The following USP24 variants were observed in gnomAD, a reference collection of about 807,000 sequenced individuals.
USP24 encodes ubiquitin carboxyl-terminal hydrolase 24.
In USP24, 97 loss-of-function variants were observed where a neutral mutation model predicts 361.6. The observed-to-expected ratio is 0.27, with a 90% CI of 0.23 to 0.32. The LOEUF (loss-of-function observed/expected upper bound fraction) is 0.32, where lower values mean the gene tolerates loss of function less well. Ranked by LOEUF, USP24 falls within the 10% of genes least tolerant of loss-of-function variation. The pLI is 1.00. For synonymous variants in USP24, 1,098 were observed against 1,124.6 expected, an observed-to-expected ratio of 0.98 and a Z score of 0.47; for missense variants, 2,353 against 3,165.6, an observed-to-expected ratio of 0.74 and a Z score of 6.16.
Position 55,125,466 on chromosome 1 carries a change from G to A in USP24, c.3814C>T (p.Pro1272Ser). ...GTCTGCCGGCTGACATTTCGGAATG[G>A]GCGGGAAGAAAGTGCTTCTATACCA... is the stretch of plus-strand genomic sequence containing the variant. Reference protein sequence around the residue: ...KDGIEALSSRPFRNVSRQTSR... With the variant: ...KDGIEALSSRSFRNVSRQTSR... The change falls in exon 34 of 68, where the codon CCA becomes TCA. Residue 1272 changes from proline to serine, a missense_variant. Physicochemically the swap from Pro to Ser is moderately conservative, Grantham distance 74. Around this residue, in one of 8 missense-constraint regions of USP24, gnomAD observed 949 missense variants for 1,280.5 expected, o/e 0.74. Coordinates refer to ENST00000294383, the MANE Select transcript of USP24 (RefSeq NM_015306.3). 1 of 1,613,990 alleles carries A rather than the reference G, an allele frequency of 6.2e-7. No homozygotes were observed. Among genetic ancestry groups the A allele is most frequent in the East Asian group, 2.2e-5 (1 of 44,882 alleles).
At position 55,209,272 on chromosome 1, in the gene USP24, T is replaced by TC. The variant is rs938874846; in HGVS notation, c.324+5517dup. Among the ~76,000 whole-genome samples the TC allele has an allele frequency of 2.3e-3, 347 of 152,288 alleles. 1 individual carries two copies. Among genetic ancestry groups the TC allele is most frequent in the African/African-American group, 7.7e-3 (322 of 41,562 alleles). On this transcript the variant is annotated intron_variant, in intron 1 of 67. Coordinates refer to ENST00000294383, the MANE Select transcript of USP24 (RefSeq NM_015306.3). The stretch of plus-strand genomic sequence containing the variant: ...ATCCATCCAACTTCTTCTTTTTTTT[T>TC]CTTTTTAAAAGGAAAACCTTTCTAA...
chr1:55,172,403 T>G lies in USP24; in HGVS notation c.676A>C (p.Thr226Pro), dbSNP rs759208257. ...ATTGTAAGCACACCCAGGAGACCAG[T>G]GGGAATTGGATCTTGTTTTATTCTC... ...AERIKQDPIPTGLLGVLTMAF... is the reference protein window; with the variant it reads ...AERIKQDPIPPGLLGVLTMAF... Residue 226 changes from threonine (T) to proline (P), a missense_variant, in exon 4 of 68, where the codon ACT becomes CCT. This residue lies in a region of USP24 where 386 missense variants were observed against 560.5 expected (regional missense o/e 0.69). Transcript: ENST00000294383. The G allele has an allele frequency of 6.2e-7, 1 of 1,612,948 alleles. No individual in the cohort carries two copies. Among genetic ancestry groups the G allele is most frequent in the Non-Finnish European group, 8.5e-7 (1 of 1,179,390 alleles).
At chr1:55,214,428 A>T (rs969893470) in intron 1 of USP24, among the ~76,000 whole-genome samples, 1 of 148,204 alleles carries the variant, frequency 6.7e-6, no homozygotes, top group African/African-American at 2.5e-5. Flanking sequence ...CATCCTTCCC[A>T]CTATATGCTC....
chr1:55,206,030 C>G (rs574287563), intron 1 of USP24, among the ~76,000 whole-genome samples: 1 of 152,264 alleles, frequency 6.6e-6, no homozygotes, highest in South Asian at 2.1e-4. Context: ...ACTTGCCAAA[C>G]AACAGCAAGA....
chr1:55,192,497 T>C (rs1644315635), intron 1 of USP24, among the ~76,000 whole-genome samples: 1 of 152,214 alleles, frequency 6.6e-6, no homozygotes, highest in South Asian at 2.1e-4. Flanking sequence ...GACAGACTGA[T>C]CTCTTCACGA....
At chr1:55,119,977 T>C (rs1646231883) in intron 38 of USP24, among the ~76,000 whole-genome samples, 1 of 152,104 alleles carries the variant, frequency 6.6e-6, no homozygotes, top group Non-Finnish European at 1.5e-5. Context: ...TCCATGACAC[T>C]TTATAAGCCC....
At chr1:55,200,031 C>T (rs1644529593) in intron 1 of USP24, among the ~76,000 whole-genome samples, 1 of 152,176 alleles carries the variant, frequency 6.6e-6, no homozygotes, top group African/African-American at 2.4e-5. Context: ...TTATTCACCA[C>T]CACGAGAACA....
chr1:55,076,379 G>A (rs946549490), intron 62 of USP24, among the ~76,000 whole-genome samples: 1 of 152,186 alleles, frequency 6.6e-6, no homozygotes, highest in Non-Finnish European at 1.5e-5. Context: ...TAAAGAACTT[G>A]AAAAATAAGC....
intron 1 of USP24, among the ~76,000 whole-genome samples, chr1:55,192,775 G>T (rs904380091): frequency 1.3e-5 from 2 of 152,196 alleles, no homozygotes; most frequent in Admixed American, 6.6e-5. Context: ...AAAAAGAGAA[G>T]ATGATAAACA....
At chr1:55,142,695 A>G (rs1646923658) in intron 23 of USP24, 47 bp downstream of exon 23, 1 of 1,262,128 alleles carries the variant, frequency 7.9e-7, no homozygotes, top group African/African-American at 1.5e-5. Flanking sequence ...TATGAAAGAA[A>G]AAAAGCATTT....
chr1:55,188,045 T>C (rs1644181163), intron 1 of USP24, among the ~76,000 whole-genome samples: 1 of 152,192 alleles, frequency 6.6e-6, no homozygotes, highest in Non-Finnish European at 1.5e-5. Context: ...ACTGGCATAA[T>C]GAATCAATGG....
At chr1:55,150,224 T>C (rs1647155137) in intron 16 of USP24, among the ~76,000 whole-genome samples, 1 of 152,220 alleles carries the variant, frequency 6.6e-6, no homozygotes, top group Non-Finnish European at 1.5e-5. Flanking sequence ...CATTACTATA[T>C]ACAATGCAAA....
At chr1:55,090,617 A>G (rs879857686) in intron 54 of USP24, among the ~76,000 whole-genome samples, 1 of 152,174 alleles carries the variant, frequency 6.6e-6, no homozygotes, top group Non-Finnish European at 1.5e-5. Context: ...AAGACTGGGA[A>G]CTTAAGTAGT....
intron 31 of USP24, among the ~76,000 whole-genome samples, chr1:55,132,024 T>C (rs2100647386): frequency 6.6e-6 from 1 of 152,344 alleles, no homozygotes; most frequent in Admixed American, 6.5e-5. Flanking sequence ...CATAAGATCT[T>C]GGAGTGAGTA....
Position 55,144,295 on chromosome 1 carries a change from TA to T in USP24, c.2363-93del, listed in dbSNP as rs1646971331. 9.1e-6 allele frequency: 7 copies of T among 772,182 alleles called. No individual in the cohort carries two copies. In the South Asian group the frequency reaches 2.0e-4, roughly 22 times the overall value. The allele number at this position is 772,182 out of a possible 1,614,324, so 47.8% of individuals were successfully genotyped here. Reference sequence around the variant, plus strand: ...CAAAGTGGATCAAGAACTAAAACCATAAGACTCTTGGCATTGGCTTCTTAGA... The same window carrying T: ...CAAAGTGGATCAAGAACTAAAACCATAGACTCTTGGCATTGGCTTCTTAGA... On this transcript the variant is annotated intron_variant, in intron 20 of 67. Coordinates refer to ENST00000294383, the MANE Select transcript of USP24 (RefSeq NM_015306.3).
In USP24 at chr1:55,073,857, A is replaced by C. The variant is rs956751323; in HGVS notation, c.7497T>G (p.Cys2499Trp). The C allele has an allele frequency of 6.3e-7, 1 of 1,580,910 alleles. No homozygotes were observed. The highest frequency in any genetic ancestry group is 8.6e-7 in the Non-Finnish European group (1 of 1,162,718). ...NHVDSSRCYQ[C>W]VKFLVTLAQK... The stretch of plus-strand genomic sequence containing the variant: ...GAGCAAGAGTGACAAGAAATTTGAC[A>C]CACTGGTAGCAGCGACTACTGTCCA... Residue 2499 changes from cysteine to tryptophan, a missense_variant, in exon 64 of 68, where the codon TGT becomes TGG. Coordinates refer to ENST00000294383, the MANE Select transcript of USP24 (RefSeq NM_015306.3).
chr1:55,082,329 A>G (rs1258420458), intron 58 of USP24, among the ~76,000 whole-genome samples: 3 of 152,232 alleles, frequency 2.0e-5, no homozygotes, highest in African/African-American at 7.2e-5. Flanking sequence ...AACTGTGAGT[A>G]TCAAAAGTAT....
chr1:55,081,709 C>T (rs973619023), intron 58 of USP24, among the ~76,000 whole-genome samples: 3 of 152,200 alleles, frequency 2.0e-5, no homozygotes, highest in Non-Finnish European at 4.4e-5. Flanking sequence ...ATCTGCAGGT[C>T]TGGCCCTGCC....
intron 5 of USP24, among the ~76,000 whole-genome samples, chr1:55,170,969 A>G (rs1231500916): frequency 6.6e-6 from 1 of 152,160 alleles, no homozygotes; most frequent in Non-Finnish European, 1.5e-5. Flanking sequence ...TGCTTCCACT[A>G]AAGCAATGAA....
Sources: allele counts gnomAD v4.1 joint callset (sites outside exome capture counted in the v4.1 genomes callset), GRCh38; gene constraint gnomAD v4.1.1; regional missense constraint gnomAD v4.1.1; transcripts MANE v1.5; gene names NCBI Gene and HGNC (gene_info 2026-07-23, HGNC 2026-07-21).